Variants in XYLT1 observed in about 807,000 individuals in gnomAD.
XYLT1 encodes xylosyltransferase 1, also known as beta-D-xylosyltransferase 1.
A neutral mutation model predicts 91.3 loss-of-function variants in XYLT1; 36 were observed. The observed-to-expected ratio is 0.39, with a 90% CI of 0.30 to 0.52. The LOEUF is 0.52. Among genes scored for constraint, XYLT1 ranks in the 20% least tolerant of loss-of-function variants. The pLI is 0.68. For synonymous variants in XYLT1, 588 were observed against 532.0 expected, an observed-to-expected ratio of 1.11 and a Z score of -1.45; for missense variants, 1,242 against 1,284.5, an observed-to-expected ratio of 0.97 and a Z score of 0.51.
Position 17,470,475 on chromosome 16 carries a change from G to A in XYLT1, c.322C>T (p.Gln108Ter). Reference sequence around the variant, plus strand: ...AGTGCCCCCCGGCTGGCCGGCTGCTGTCCCCGCGGTTCTCCGGGGCCGCCT... The same window carrying A: ...AGTGCCCCCCGGCTGGCCGGCTGCTATCCCCGCGGTTCTCCGGGGCCGCCT... Reference protein sequence around the residue: ...RGGGPGEPRGQQPASRGALPA... With the variant: ...RGGGPGEPRG The change falls in exon 1 of 12, where the codon CAG becomes TAG. Residue 108 changes from glutamine (Q) to a stop codon, truncating the protein, a stop_gained. Transcript: ENST00000261381. LOFTEE classifies it high-confidence loss of function. The A allele has an allele frequency of 8.1e-7, 1 of 1,232,952 alleles. No individual in the cohort carries two copies. The highest frequency in any genetic ancestry group is 4.0e-5 in the South Asian group (1 of 24,930). 76.4% of individuals were successfully genotyped at this position (1,232,952 alleles called of 1,614,324 possible).
At chr16:17,414,724 G>A (rs2036158105) in intron 1 of XYLT1, among the ~76,000 whole-genome samples, 1 of 152,114 alleles carries the variant, frequency 6.6e-6, no homozygotes, top group Admixed American at 6.6e-5. Context: ...ATGGAGCCAG[G>A]CAGCCTGGGT....
intron 1 of XYLT1, among the ~76,000 whole-genome samples, chr16:17,369,383 GA>G (rs559235806): frequency 1.3e-5 from 2 of 152,076 alleles, no homozygotes; most frequent in Non-Finnish European, 2.9e-5. Flanking sequence ...GGCTTTTCGT[GA>G]AATGTGGAAA....
chr16:17,331,046 C>T (rs2034890492), intron 2 of XYLT1, among the ~76,000 whole-genome samples: 2 of 152,364 alleles, frequency 1.3e-5, no homozygotes, highest in South Asian at 2.1e-4. Flanking sequence ...AGGTCCTGGC[C>T]ATTCCCATGG....
intron 2 of XYLT1, among the ~76,000 whole-genome samples, chr16:17,321,640 G>A (rs1394161619): frequency 6.6e-6 from 1 of 152,080 alleles, no homozygotes; most frequent in Non-Finnish European, 1.5e-5. Flanking sequence ...TTACAGGCAT[G>A]AGCCACCACA....
At chr16:17,294,212 G>A (rs959386145) in intron 2 of XYLT1, among the ~76,000 whole-genome samples, 1 of 152,116 alleles carries the variant, frequency 6.6e-6, no homozygotes, top group African/African-American at 2.4e-5. Flanking sequence ...AAAGCAGAGT[G>A]GGGAAGGGAA....
chr16:17,199,650 G>C (rs183390646), intron 4 of XYLT1, among the ~76,000 whole-genome samples: 1 of 152,180 alleles, frequency 6.6e-6, no homozygotes, highest in Non-Finnish European at 1.5e-5. Context: ...TAAGTCTCAT[G>C]AGATCTGATG....
At chr16:17,355,669 T>C (rs1249555964) in intron 2 of XYLT1, among the ~76,000 whole-genome samples, 2 of 152,184 alleles carry the variant, frequency 1.3e-5, no homozygotes, top group Admixed American at 6.5e-5. Flanking sequence ...TATTATTGCT[T>C]GAGACAGTGT....
chr16:17,332,725 G>A (rs1244788511), intron 2 of XYLT1, among the ~76,000 whole-genome samples: 1 of 152,034 alleles, frequency 6.6e-6, no homozygotes, highest in African/African-American at 2.4e-5. Context: ...GGTCAGTTTT[G>A]GAAGAGACAG....
chr16:17,461,203 G>T (rs2036816682), intron 1 of XYLT1, among the ~76,000 whole-genome samples: 2 of 152,208 alleles, frequency 1.3e-5, no homozygotes, highest in Admixed American at 6.5e-5. Context: ...CAGGCCTCAT[G>T]GACAGTTCTG....
At chr16:17,138,224 A>G in intron 8 of XYLT1, 131 bp downstream of exon 8, 2 of 883,952 alleles carry the variant, frequency 2.3e-6, no homozygotes, top group South Asian at 1.7e-5. Flanking sequence ...ACTGTTAACT[A>G]TTATTAATTA....
intron 2 of XYLT1, among the ~76,000 whole-genome samples, chr16:17,344,146 C>T (rs889544602): frequency 5.3e-5 from 8 of 151,924 alleles, no homozygotes; most frequent in Non-Finnish European, 8.8e-5. Flanking sequence ...TGTGTACATG[C>T]CAGAGATGCT....
chr16:17,376,398 C>T (rs1474017478), intron 1 of XYLT1, among the ~76,000 whole-genome samples: 1 of 152,190 alleles, frequency 6.6e-6, no homozygotes, highest in Non-Finnish European at 1.5e-5. Flanking sequence ...AGGTTGTGTC[C>T]TTCCAGACCC....
intron 2 of XYLT1, among the ~76,000 whole-genome samples, chr16:17,276,667 A>G (rs1451535915): frequency 6.6e-6 from 1 of 152,172 alleles, no homozygotes; most frequent in African/African-American, 2.4e-5. Context: ...GTTCAGAGCA[A>G]GAAGTAGGCC....
intron 1 of XYLT1, among the ~76,000 whole-genome samples, chr16:17,436,412 C>A (rs911919388): frequency 4.6e-5 from 7 of 152,162 alleles, no homozygotes; most frequent in Non-Finnish European, 8.8e-5. Flanking sequence ...CATGATATCG[C>A]CTTGCTTTCA....
At chr16:17,139,471 C>CACCAGTATCGTGGT (rs1247423958) in intron 7 of XYLT1, among the ~76,000 whole-genome samples, 3 of 152,276 alleles carry the variant, frequency 2.0e-5, no homozygotes, top group Admixed American at 1.3e-4. Flanking sequence ...GAGCTTTGGT[C>CACCAGTATCGTGGT]ACCAGTATCG....
chr16:17,323,926 T>C (rs996596973), intron 2 of XYLT1, among the ~76,000 whole-genome samples: 8 of 152,210 alleles, frequency 5.3e-5, no homozygotes, highest in African/African-American at 9.6e-5. Context: ...ATTTAACTTA[T>C]TCAGAGCTGG....
chr16:17,226,069 G>A (rs961920083), intron 3 of XYLT1, among the ~76,000 whole-genome samples: 1 of 152,178 alleles, frequency 6.6e-6, no homozygotes, highest in African/African-American at 2.4e-5. Context: ...CAGAATGGGG[G>A]AGACGGCTTA....
intron 6 of XYLT1, among the ~76,000 whole-genome samples, chr16:17,144,320 T>C (rs1319052248): frequency 6.6e-6 from 1 of 152,164 alleles, no homozygotes; most frequent in Non-Finnish European, 1.5e-5. Context: ...GTGGGTACAG[T>C]GAAAGACAGG....
intron 1 of XYLT1, among the ~76,000 whole-genome samples, chr16:17,456,209 C>T (rs184029272): frequency 6.6e-6 from 1 of 151,344 alleles, no homozygotes; most frequent in Non-Finnish European, 1.5e-5. Flanking sequence ...CACACTCGAC[C>T]TTTTTTTTAC....
Sources: allele counts gnomAD v4.1 joint callset (sites outside exome capture counted in the v4.1 genomes callset), GRCh38; gene constraint gnomAD v4.1.1; transcripts MANE v1.5; gene names NCBI Gene and HGNC (gene_info 2026-07-23, HGNC 2026-07-21).